The following LINGO2 variants were observed in gnomAD, a reference collection of about 807,000 sequenced individuals.
The protein encoded by LINGO2 is leucine-rich repeat and immunoglobulin-like domain-containing nogo receptor-interacting protein 2.
Under a neutral mutation model 30.6 loss-of-function variants are expected in LINGO2, and 14 were observed. The observed-to-expected ratio is 0.46, with a 90% CI of 0.30 to 0.72. LINGO2 has a LOEUF of 0.72. Among genes scored for constraint, LINGO2 ranks in the 30% least tolerant of loss-of-function variants. The probability of loss-of-function intolerance (pLI) is 0.07; values close to 1 mark genes in which losing one functional copy is unlikely to be tolerated. For missense variants in LINGO2, 729 were observed against 751.7 expected, an observed-to-expected ratio of 0.97 and a Z score of 0.35; for synonymous variants, 317 against 288.5, an observed-to-expected ratio of 1.10 and a Z score of -1.00.
the LINGO2 span, among the ~76,000 whole-genome samples, chr9:29,161,150 G>A: frequency 1.3e-4 from 20 of 152,360 alleles, no homozygotes; most frequent in African/African-American, 4.6e-4. Flanking sequence ...CTGTGCAGCT[G>A]CAGGTGTGGG....
chr9:28,556,233 A>T (rs1246328484), intron 1 of LINGO2, among the ~76,000 whole-genome samples: 2 of 152,078 alleles, frequency 1.3e-5, no homozygotes, highest in African/African-American at 4.8e-5. Flanking sequence ...ACATGATTGT[A>T]TATCTAGAAA....
chr9:28,737,857 T>C, the LINGO2 span, among the ~76,000 whole-genome samples: 4 of 152,110 alleles, frequency 2.6e-5, no homozygotes, highest in Non-Finnish European at 5.9e-5. Context: ...CACTTTAAAT[T>C]TGAACCCTGG....
chr9:28,542,418 G>C (rs1564278774), intron 1 of LINGO2, among the ~76,000 whole-genome samples: 1 of 152,010 alleles, frequency 6.6e-6, no homozygotes, highest in Non-Finnish European at 1.5e-5. Context: ...AGAGGCTCTT[G>C]TGCCAGGTAA....
At chr9:28,280,239 A>G (rs1268912937) in intron 4 of LINGO2, among the ~76,000 whole-genome samples, 1 of 152,156 alleles carries the variant, frequency 6.6e-6, no homozygotes, top group East Asian at 1.9e-4. Context: ...AGTGTTCAAC[A>G]CTTTATTAGG....
the LINGO2 span, among the ~76,000 whole-genome samples, chr9:29,072,497 T>C: frequency 1.3e-5 from 2 of 151,606 alleles, no homozygotes; most frequent in African/African-American, 4.8e-5. Flanking sequence ...AAATTATATC[T>C]CAATAAAGCT....
chr9:28,517,969 A>G (rs186045000), intron 1 of LINGO2, among the ~76,000 whole-genome samples: 193 of 152,326 alleles, frequency 1.3e-3, no homozygotes, highest in Admixed American at 6.1e-3. Context: ...CAGTCTGGAA[A>G]TGAGAAACGC....
chr9:28,225,204 C>T lies in LINGO2; in HGVS notation c.-87+70004G>A, dbSNP rs1044958481. Among the ~76,000 whole-genome samples the T allele has an allele frequency of 3.9e-5, 6 of 152,024 alleles. No individual in the cohort carries two copies. In the East Asian group the frequency reaches 1.2e-3, roughly 29 times the overall value. On this transcript the variant is annotated intron_variant, in intron 4 of 5. Coordinates refer to ENST00000379992, the Ensembl canonical transcript of LINGO2. ...GAAAGGGGGCCAGTAAATGAGAAACCGATTAGCAAGAAACAAATACAACAC... is the reference window on the plus strand; with the variant it reads ...GAAAGGGGGCCAGTAAATGAGAAACTGATTAGCAAGAAACAAATACAACAC...
chr9:28,580,388 T>G (rs1464257421), intron 1 of LINGO2, among the ~76,000 whole-genome samples: 1 of 152,052 alleles, frequency 6.6e-6, no homozygotes, highest in Admixed American at 6.6e-5. Context: ...CACTTAAAGT[T>G]ACCTTTCAGC....
chr9:28,509,059 T>C (rs1215481688), intron 1 of LINGO2, among the ~76,000 whole-genome samples: 1 of 152,154 alleles, frequency 6.6e-6, no homozygotes, highest in Non-Finnish European at 1.5e-5. Context: ...GTACTTATAC[T>C]TCTCCCAACC....
intron 1 of LINGO2, among the ~76,000 whole-genome samples, chr9:28,581,121 C>A (rs773159156): frequency 6.6e-6 from 1 of 151,950 alleles, no homozygotes; most frequent in Non-Finnish European, 1.5e-5. Context: ...AGGCTGTTGA[C>A]ATTTTCTGGT....
intron 1 of LINGO2, among the ~76,000 whole-genome samples, chr9:28,617,453 T>G (rs1267204477): frequency 1.3e-5 from 2 of 151,854 alleles, no homozygotes; most frequent in South Asian, 4.2e-4. Context: ...CCACCACCAC[T>G]CCTGGCTAAT....
intron 5 of LINGO2, among the ~76,000 whole-genome samples, chr9:27,973,304 AAGAG>A (rs1587582239): frequency 1.3e-5 from 2 of 152,170 alleles, no homozygotes; most frequent in East Asian, 3.9e-4. Context: ...GTCATCCTGG[AAGAG>A]TATAACAGGG....
At chr9:28,687,034 C>A in the LINGO2 span, among the ~76,000 whole-genome samples, 3,299 of 152,042 alleles carry the variant, frequency 0.022, 112 homozygotes, top group African/African-American at 0.075. Flanking sequence ...CATCATTGAC[C>A]ATATTCAGAC....
At chr9:29,007,946 C>G in the LINGO2 span, among the ~76,000 whole-genome samples, 1 of 152,052 alleles carries the variant, frequency 6.6e-6, no homozygotes, top group East Asian at 1.9e-4. Flanking sequence ...TTAAATTATA[C>G]TTTAAGTTCT....
At chr9:28,513,736 T>C (rs942197638) in intron 1 of LINGO2, among the ~76,000 whole-genome samples, 3 of 152,220 alleles carry the variant, frequency 2.0e-5, no homozygotes, top group Non-Finnish European at 4.4e-5. Context: ...GTTCTTAACA[T>C]TTCAAATATG....
intron 1 of LINGO2, among the ~76,000 whole-genome samples, chr9:28,652,372 T>C (rs1828140584): frequency 2.0e-5 from 3 of 152,176 alleles, no homozygotes; most frequent in Admixed American, 2.0e-4. Context: ...AAAAAGAAGC[T>C]TGATACTGCT....
At chr9:29,022,326 C>T in the LINGO2 span, among the ~76,000 whole-genome samples, 1 of 152,188 alleles carries the variant, frequency 6.6e-6, no homozygotes, top group Non-Finnish European at 1.5e-5. Flanking sequence ...TCTCTGCCTA[C>T]TGCAGGATTT....
chr9:28,035,893 AACACACACAC>A (rs111851787), intron 4 of LINGO2, among the ~76,000 whole-genome samples: 1 of 149,198 alleles, frequency 6.7e-6, no homozygotes, highest in Non-Finnish European at 1.5e-5. Context: ...CACACACACA[AACACACACAC>A]ACACACACAC....
chr9:28,983,840 C>T, the LINGO2 span, among the ~76,000 whole-genome samples: 98,634 of 151,642 alleles, frequency 0.65, 32,648 homozygotes, highest in Non-Finnish European at 0.72. Flanking sequence ...CCTCCATTAT[C>T]GTAGCATCAA....
Sources: allele counts gnomAD v4.1 joint callset (sites outside exome capture counted in the v4.1 genomes callset), GRCh38; gene constraint gnomAD v4.1.1; transcripts MANE v1.5; gene names NCBI Gene and HGNC (gene_info 2026-07-23, HGNC 2026-07-21).